The following CCDC201 variants were observed in gnomAD, a reference collection of about 807,000 sequenced individuals.
The protein encoded by CCDC201 is coiled-coil domain containing 201, also known as coiled-coil domain-containing protein 201.
the CCDC201 span, among the ~76,000 whole-genome samples, chr7:45,882,393 T>C: frequency 6.6e-6 from 1 of 152,148 alleles, no homozygotes. Flanking sequence ...ATCTTACAGG[T>C]GAAAAAACTG....
intron 1 of CCDC201, 103 bp from the exon 2 acceptor site, chr7:45,866,597 C>G (rs576087099): frequency 6.6e-6 from 1 of 152,320 alleles, no homozygotes; most frequent in Non-Finnish European, 1.5e-5. Context: ...AGCATGATGG[C>G]CCCATGAGGC....
chr7:45,879,902 A>G, the CCDC201 span, among the ~76,000 whole-genome samples: 1 of 152,172 alleles, frequency 6.6e-6, no homozygotes, highest in Non-Finnish European at 1.5e-5. Context: ...CCTGGCCAAC[A>G]TGGTGAAACC....
chr7:45,884,110 C>T, the CCDC201 span, among the ~76,000 whole-genome samples: 9,320 of 149,672 alleles, frequency 0.062, 796 homozygotes, highest in African/African-American at 0.19. Context: ...TCCTCTCTCT[C>T]TTTCTCTTGA....
chr7:45,862,353 C>T (rs1032801941), exon 3 of CCDC201: 7 of 152,418 alleles, frequency 4.6e-5, no homozygotes, highest in African/African-American at 1.7e-4. Context: ...CCTCTGAGTT[C>T]CTCTAAGCTT....
the CCDC201 span, among the ~76,000 whole-genome samples, chr7:45,883,846 C>A: frequency 6.6e-6 from 1 of 152,066 alleles, no homozygotes; most frequent in Non-Finnish European, 1.5e-5. Flanking sequence ...GGCTCTGCCT[C>A]CTTCATGGCT....
intron 2 of CCDC201, among the ~76,000 whole-genome samples, chr7:45,865,367 T>C (rs1786657176): frequency 6.6e-6 from 1 of 152,196 alleles, no homozygotes; most frequent in South Asian, 2.1e-4. Context: ...TCTCCAGCTG[T>C]GGCAAGGGCC....
At chr7:45,863,503 C>G (rs369299681) in intron 2 of CCDC201, among the ~76,000 whole-genome samples, 2 of 152,130 alleles carry the variant, frequency 1.3e-5, no homozygotes, top group Non-Finnish European at 2.9e-5. Context: ...GACGAGCCTG[C>G]GTGGGAACAG....
upstream of CCDC201, among the ~76,000 whole-genome samples, chr7:45,874,651 C>G (rs1786778781): frequency 6.6e-6 from 1 of 152,224 alleles, no homozygotes; most frequent in Non-Finnish European, 1.5e-5. Context: ...ATCCCTGAAT[C>G]CTGGGTTCTT....
chr7:45,864,860 G>A (rs895849572), intron 2 of CCDC201, among the ~76,000 whole-genome samples: 2 of 152,194 alleles, frequency 1.3e-5, no homozygotes, highest in Admixed American at 1.3e-4. Flanking sequence ...ACATCCAACT[G>A]CAGAGGATCA....
chr7:45,873,277 C>A (rs990903340), upstream of CCDC201, among the ~76,000 whole-genome samples: 37 of 135,098 alleles, frequency 2.7e-4, no homozygotes, highest in African/African-American at 9.8e-4. Flanking sequence ...CGCCCCACCC[C>A]CCCACCCCCC....
upstream of CCDC201, among the ~76,000 whole-genome samples, chr7:45,874,996 G>C (rs1162758833): frequency 1.3e-5 from 2 of 152,202 alleles, no homozygotes; most frequent in Non-Finnish European, 2.9e-5. Flanking sequence ...TAGATGCAGT[G>C]TGCAAAGCCA....
intron 2 of CCDC201, among the ~76,000 whole-genome samples, chr7:45,864,350 T>C (rs1200518602): frequency 6.6e-6 from 1 of 152,112 alleles, no homozygotes; most frequent in East Asian, 1.9e-4. Flanking sequence ...GCTCTACCCA[T>C]AGTGAGAGCT....
At chr7:45,881,339 C>G in the CCDC201 span, among the ~76,000 whole-genome samples, 2 of 152,152 alleles carry the variant, frequency 1.3e-5, no homozygotes, top group South Asian at 4.1e-4. Flanking sequence ...TGTCCATTAC[C>G]CTAATCTCTC....
chr7:45,881,761 CCAACA>C, the CCDC201 span, among the ~76,000 whole-genome samples: 1 of 152,174 alleles, frequency 6.6e-6, no homozygotes, highest in African/African-American at 2.4e-5. Context: ...GCTTCCATCG[CCAACA>C]CTGAGATTCA....
intron 1 of CCDC201, among the ~76,000 whole-genome samples, chr7:45,869,102 A>G (rs1786713426): frequency 6.6e-6 from 1 of 152,212 alleles, no homozygotes; most frequent in Non-Finnish European, 1.5e-5. Flanking sequence ...AACATGCACA[A>G]TAGAATATTT....
intron 1 of CCDC201, among the ~76,000 whole-genome samples, chr7:45,871,245 A>C (rs1467151714): frequency 1.3e-5 from 2 of 152,196 alleles, no homozygotes; most frequent in Admixed American, 6.5e-5. Context: ...CTCTTTCATC[A>C]CATCTTCTTC....
intron 1 of CCDC201, among the ~76,000 whole-genome samples, chr7:45,872,638 A>G (rs1236656476): frequency 1.3e-5 from 2 of 152,114 alleles, no homozygotes; most frequent in Non-Finnish European, 2.9e-5. Flanking sequence ...GCTCTGGGGA[A>G]TCTGGAGGGC....
chr7:45,872,751 G>A (rs910713380), intron 1 of CCDC201, among the ~76,000 whole-genome samples: 1 of 152,186 alleles, frequency 6.6e-6, no homozygotes, highest in Admixed American at 6.5e-5. Flanking sequence ...GGCATCAAGA[G>A]GAGACTCTGG....
chr7:45,865,616 C>G (rs1225985562), intron 2 of CCDC201, among the ~76,000 whole-genome samples: 1 of 152,018 alleles, frequency 6.6e-6, no homozygotes, highest in African/African-American at 2.4e-5. Context: ...CCTGTCACCC[C>G]AACATGTCTG....
Sources: gnomAD v4.1 joint callset for allele counts (sites outside exome capture counted in the v4.1 genomes callset) on GRCh38, gnomAD v4.1.1 for gene constraint, MANE v1.5 for transcripts, NCBI Gene and HGNC (gene_info 2026-07-23, HGNC 2026-07-21) for gene names.